The following DPYSL5 variants were observed in gnomAD, a reference collection of about 807,000 sequenced individuals.
The protein encoded by DPYSL5 is dihydropyrimidinase like 5.
A neutral mutation model predicts 58.4 loss-of-function variants in DPYSL5; 9 were observed. The observed-to-expected ratio is 0.15, with a 90% CI of 0.09 to 0.27. The LOEUF is 0.27. DPYSL5 is among the 10% of genes least tolerant of loss of function. The pLI is 1.00. For synonymous variants in DPYSL5, 293 were observed against 301.9 expected (o/e 0.97, Z 0.31); for missense variants, 499 against 770.6 (o/e 0.65, Z 4.17).
At chr2:26,926,296 G>A (rs1664828616) in intron 3 of DPYSL5, among the ~76,000 whole-genome samples, 1 of 152,078 alleles carries the variant, frequency 6.6e-6, no homozygotes, top group African/African-American at 2.4e-5. Flanking sequence ...TATCTCAAAT[G>A]GGGGTCTCCT....
chr2:26,895,573 G>A (rs1663989925), intron 1 of DPYSL5, among the ~76,000 whole-genome samples: 1 of 152,076 alleles, frequency 6.6e-6, no homozygotes, highest in Non-Finnish European at 1.5e-5. Context: ...TATAATGAGA[G>A]GTTAGAACAC....
Position 26,877,358 on chromosome 2 carries a change from G to A in DPYSL5, c.-4-21138G>A, listed in dbSNP as rs1448297779. ...TTAAGTGACTGTATTTAGAACAGAAGGTATTCCATGAATAACATCAAAACA... is the reference window on the plus strand; with the variant it reads ...TTAAGTGACTGTATTTAGAACAGAAAGTATTCCATGAATAACATCAAAACA... On this transcript the variant is annotated intron_variant, in intron 1 of 12. Coordinates refer to ENST00000288699, the MANE Select transcript of DPYSL5 (RefSeq NM_020134.4). The surrounding 1 kb of genome is among the most constrained non-coding windows in gnomAD (Gnocchi z 4.1). Among the ~76,000 whole-genome samples the A allele has an allele frequency of 6.6e-6, 1 of 152,012 alleles. No individual in the cohort carries two copies. Among genetic ancestry groups the A allele is most frequent in the Admixed American group, 6.6e-5 (1 of 15,264 alleles).
chr2:26,917,290 A>G lies in DPYSL5; in HGVS notation c.262-7597A>G, dbSNP rs942102546. On this transcript the variant is annotated intron_variant, in intron 2 of 12. Transcript: ENST00000288699. The stretch of plus-strand genomic sequence containing the variant: ...GGTAAAGGCTGTAGACCCAGAAGGT[A>G]GGAGTGGAAAGTAAAAGGAAGTTTA... Among the ~76,000 whole-genome samples, 6 of 152,224 alleles carry G rather than the reference A, an allele frequency of 3.9e-5. No individual in the cohort carries two copies. In the South Asian group the frequency reaches 6.2e-4, roughly 16 times the overall value.
At chr2:26,910,892 A>G (rs1031257521) in intron 2 of DPYSL5, among the ~76,000 whole-genome samples, 1 of 151,444 alleles carries the variant, frequency 6.6e-6, no homozygotes, top group Admixed American at 6.6e-5. Flanking sequence ...TTGAAGTCCA[A>G]TTTATCGATT....
rs576297143 is a variant in DPYSL5, at chr2:26,905,167, G to A, written c.261+6407G>A. On this transcript the variant is annotated intron_variant, in intron 2 of 12. Transcript: ENST00000288699. This position sits in a 1 kb window ranked among gnomAD's most constrained non-coding sequence, Gnocchi z 4.0. ...ATTTGCATCAGGCAGGCAGCTGAGC[G>A]AGGTCTCTGCCTGCCCAAGACAGTA... is the stretch of plus-strand genomic sequence containing the variant. Among the ~76,000 whole-genome samples the A allele has an allele frequency of 1.8e-4, 27 of 152,304 alleles. No homozygotes were observed. The East Asian group carries it at 3.3e-3, about 19-fold the overall frequency.
chr2:26,935,442 C>T (rs1558353268), intron 8 of DPYSL5, among the ~76,000 whole-genome samples: 1 of 152,082 alleles, frequency 6.6e-6, no homozygotes, highest in Non-Finnish European at 1.5e-5. Flanking sequence ...AATCCCAGCC[C>T]TTTGGGAGGC....
intron 1 of DPYSL5, among the ~76,000 whole-genome samples, chr2:26,893,775 G>A (rs2148133644): frequency 6.6e-6 from 1 of 152,304 alleles, no homozygotes; most frequent in East Asian, 1.9e-4. Flanking sequence ...AATGGATCTA[G>A]TGAAGGCACA....
intron 1 of DPYSL5, among the ~76,000 whole-genome samples, chr2:26,882,923 A>G (rs1663611264): frequency 6.6e-6 from 1 of 151,790 alleles, no homozygotes; most frequent in African/African-American, 2.4e-5. Flanking sequence ...AAAAAAAAAA[A>G]AAAAAAGCAA....
chr2:26,881,446 T>G (rs1297223087), intron 1 of DPYSL5, among the ~76,000 whole-genome samples: 1 of 152,108 alleles, frequency 6.6e-6, no homozygotes, highest in East Asian at 1.9e-4. Context: ...TTGCTGCTCA[T>G]CTCCTCAAAG....
rs180874807 is a variant in DPYSL5 at position 26,935,301 on chromosome 2, G to A, written c.947+567G>A. Among the ~76,000 whole-genome samples, 7 of 152,208 alleles carry A rather than the reference G, an allele frequency of 4.6e-5. No individual in the cohort carries two copies. The East Asian group carries it at 7.7e-4, about 17-fold the overall frequency. ...ATGCAATCCCAATCTAAAGGAAATG[G>A]TTTGATGAACGGTCTGAATTCAGTG... On this transcript the variant is annotated intron_variant, in intron 8 of 12. Coordinates refer to ENST00000288699, the MANE Select transcript of DPYSL5 (RefSeq NM_020134.4).
chr2:26,875,096 G>A (rs1663375153), intron 1 of DPYSL5, among the ~76,000 whole-genome samples: 2 of 152,310 alleles, frequency 1.3e-5, no homozygotes, highest in South Asian at 2.1e-4. Flanking sequence ...AGATAAATAT[G>A]TTTTAATATT....
At chr2:26,852,867 G>C (rs1410403103) in intron 1 of DPYSL5, among the ~76,000 whole-genome samples, 2 of 152,158 alleles carry the variant, frequency 1.3e-5, no homozygotes, top group Non-Finnish European at 2.9e-5. Flanking sequence ...GCAGCATCTG[G>C]CATCTTGTAA....
intron 1 of DPYSL5, among the ~76,000 whole-genome samples, chr2:26,875,930 T>G (rs1663399052): frequency 6.6e-6 from 1 of 152,336 alleles, no homozygotes; most frequent in South Asian, 2.1e-4. Flanking sequence ...TACTCCCATT[T>G]ACTTGCTTTC....
In DPYSL5 at chr2:26,909,584, T is replaced by A. The variant is rs540165493; in HGVS notation, c.261+10824T>A. Among the ~76,000 whole-genome samples the A allele has an allele frequency of 9.9e-5, 15 of 152,118 alleles. No individual in the cohort carries two copies. In the South Asian group the frequency reaches 3.1e-3, roughly 32 times the overall value. ...GAGTTTAAGACCAGCCTAGGCAACA[T>A]AGTGAAACCCCATCTCTACAAAAAA... On this transcript the variant is annotated intron_variant, in intron 2 of 12. Transcript: ENST00000288699.
At chr2:26,941,800 C>A in intron 9 of DPYSL5, 150 bp from the exon 10 acceptor site, 2 of 1,023,354 alleles carry the variant, frequency 2.0e-6, no homozygotes, top group Non-Finnish European at 2.9e-6. Flanking sequence ...CAGGCTGGCT[C>A]ATCTGAGATG....
intron 1 of DPYSL5, among the ~76,000 whole-genome samples, chr2:26,860,493 A>G (rs1204023724): frequency 6.6e-6 from 1 of 152,262 alleles, no homozygotes; most frequent in Non-Finnish European, 1.5e-5. Context: ...TATCAAAATT[A>G]AAACTGCACA....
intron 1 of DPYSL5, among the ~76,000 whole-genome samples, chr2:26,862,512 C>G (rs1666039522): frequency 6.6e-6 from 1 of 152,170 alleles, no homozygotes. Flanking sequence ...TATGGTCCCC[C>G]AAGCTATGAT....
chr2:26,945,620 G>A (rs779309255), intron 12 of DPYSL5, among the ~76,000 whole-genome samples: 8 of 152,110 alleles, frequency 5.3e-5, no homozygotes, highest in Non-Finnish European at 1.0e-4. Flanking sequence ...GGCTTAGGTG[G>A]GAACTGTCAC....
intron 2 of DPYSL5, among the ~76,000 whole-genome samples, chr2:26,917,593 G>A (rs1408887239): frequency 6.6e-6 from 1 of 152,144 alleles, no homozygotes; most frequent in Non-Finnish European, 1.5e-5. Context: ...CAAGCTGCCT[G>A]GAAGGGGATC....
Sources: gnomAD v4.1 joint callset for allele counts (sites outside exome capture counted in the v4.1 genomes callset) on GRCh38, gnomAD v4.1.1 for gene constraint, Gnocchi (gnomAD v3.1) non-coding constraint, MANE v1.5 for transcripts, NCBI Gene and HGNC (gene_info 2026-07-23, HGNC 2026-07-21) for gene names.